The following LRMDA variants were observed in gnomAD, a reference collection of about 807,000 sequenced individuals.
LRMDA encodes the protein leucine rich melanocyte differentiation associated.
In LRMDA, 18 loss-of-function variants were observed where a neutral mutation model predicts 29.8. The ratio of observed to expected loss-of-function variants is 0.60; its 90% CI spans 0.42 to 0.90. LRMDA has a LOEUF of 0.90. Ranked by LOEUF, LRMDA falls within the 40% of genes least tolerant of loss-of-function variation. The probability of loss-of-function intolerance (pLI) is 0.00; values close to 1 mark genes in which losing one functional copy is unlikely to be tolerated. For synonymous variants in LRMDA, 125 were observed against 109.4 expected, an observed-to-expected ratio of 1.14 and a Z score of -0.89; for missense variants, 273 against 273.9, an observed-to-expected ratio of 1.00 and a Z score of 0.02.
At chr10:76,275,552 A>G (rs1840120723) in intron 5 of LRMDA, among the ~76,000 whole-genome samples, 1 of 152,062 alleles carries the variant, frequency 6.6e-6, no homozygotes, top group Non-Finnish European at 1.5e-5. Flanking sequence ...TGATTATGTC[A>G]AACTGTTGCT....
At chr10:76,321,045 TTCTG>T (rs1385913762) in intron 5 of LRMDA, among the ~76,000 whole-genome samples, 4 of 148,274 alleles carry the variant, frequency 2.7e-5, no homozygotes, top group African/African-American at 1.1e-4. Flanking sequence ...CTAAATATTA[TTCTG>T]TCTTACTGAT....
chr10:76,361,086 C>A (rs1263924841), intron 6 of LRMDA, among the ~76,000 whole-genome samples: 2 of 151,826 alleles, frequency 1.3e-5, no homozygotes, highest in Non-Finnish European at 2.9e-5. Flanking sequence ...CAAGGTGAAA[C>A]CCCGTCTCTA....
chr10:75,956,468 A>T (rs1208496567), intron 2 of LRMDA, among the ~76,000 whole-genome samples: 1 of 152,152 alleles, frequency 6.6e-6, no homozygotes, highest in African/African-American at 2.4e-5. Context: ...ACCTGTAGGC[A>T]CCGTTTTTTG....
At chr10:76,146,234 C>T (rs2132157996) in intron 5 of LRMDA, among the ~76,000 whole-genome samples, 1 of 152,082 alleles carries the variant, frequency 6.6e-6, no homozygotes. Context: ...GAGATCAATT[C>T]CTGGGTATCC....
At chr10:76,221,306 C>T (rs1444823019) in intron 5 of LRMDA, among the ~76,000 whole-genome samples, 2 of 152,144 alleles carry the variant, frequency 1.3e-5, no homozygotes, top group Non-Finnish European at 2.9e-5. Flanking sequence ...AAAGGGTATT[C>T]AATTAGGAAA....
At position 75,708,348 on chromosome 10, in the gene LRMDA, G is replaced by A. The variant is rs371108810; in HGVS notation, c.131+269854G>A. Among the ~76,000 whole-genome samples the A allele has an allele frequency of 1.8e-3, 281 of 152,208 alleles. 1 individual carries two copies. The highest frequency in any genetic ancestry group is 6.3e-3 in the African/African-American group (262 of 41,510). ...ATAAACAATCTTTCATTATTTTGAT[G>A]CCTTTTTCATATTTGTTCTTTACAG... is the stretch of plus-strand genomic sequence containing the variant. On this transcript the variant is annotated intron_variant, in intron 2 of 6. Coordinates refer to ENST00000611255, the MANE Select transcript of LRMDA (RefSeq NM_001305581.2).
chr10:76,219,457 G>T lies in LRMDA; in HGVS notation c.517-104944G>T, dbSNP rs550794265. On this transcript the variant is annotated intron_variant, in intron 5 of 6. Coordinates refer to ENST00000611255, the MANE Select transcript of LRMDA (RefSeq NM_001305581.2). ...AATGGAAAACAAAAAAAAGGCAGGG[G>T]TTGCAATCCTAGTCTCTGATAAAAC... Among the ~76,000 whole-genome samples, 64 of 152,222 alleles carry T rather than the reference G, an allele frequency of 4.2e-4. No individual in the cohort carries two copies. The South Asian group carries it at 7.3e-3, about 17-fold the overall frequency.
chr10:76,146,922 T>G (rs1292933072), intron 5 of LRMDA, among the ~76,000 whole-genome samples: 1 of 152,182 alleles, frequency 6.6e-6, no homozygotes, highest in Non-Finnish European at 1.5e-5. Context: ...CTGTAAAGTA[T>G]TTTATTTCTC....
intron 5 of LRMDA, among the ~76,000 whole-genome samples, chr10:76,183,730 T>G (rs11001673): frequency 0.015 from 2,350 of 152,312 alleles, 60 homozygotes; most frequent in African/African-American, 0.051. Context: ...TTATTTCTTA[T>G]TTTTTAGAGA....
In LRMDA at chr10:76,299,156, CGTGTGTGTGTGT is replaced by C. The variant is rs111635114; in HGVS notation, c.517-25223_517-25212del. ...GGAACATCTGCTGTTAGAGAAGAGC[CGTGTGTGTGTGT>C]GTGTGTGTGTGTGTGTGTGTGCATG... On this transcript the variant is annotated intron_variant, in intron 5 of 6. Transcript: ENST00000611255. 8.8e-5 allele frequency among the ~76,000 whole-genome samples: 13 copies of C among 147,318 alleles called. No homozygotes were observed. The East Asian group carries it at 1.8e-3, about 21-fold the overall frequency.
At chr10:76,515,572 C>T (rs1319354717) in intron 6 of LRMDA, among the ~76,000 whole-genome samples, 1 of 152,104 alleles carries the variant, frequency 6.6e-6, no homozygotes, top group Non-Finnish European at 1.5e-5. Context: ...GTGGCATGAT[C>T]TTGGTTTACT....
intron 5 of LRMDA, among the ~76,000 whole-genome samples, chr10:76,233,852 A>G (rs1168212219): frequency 6.6e-6 from 1 of 152,182 alleles, no homozygotes; most frequent in Non-Finnish European, 1.5e-5. Context: ...TGCTATTTCT[A>G]CCACATCTGC....
intron 6 of LRMDA, among the ~76,000 whole-genome samples, chr10:76,394,914 T>G (rs1339745121): frequency 6.6e-6 from 1 of 152,168 alleles, no homozygotes; most frequent in Non-Finnish European, 1.5e-5. Context: ...ATTACTCAAG[T>G]GGCATACAAA....
At chr10:75,584,426 A>G (rs1205444179) in intron 2 of LRMDA, among the ~76,000 whole-genome samples, 1 of 152,182 alleles carries the variant, frequency 6.6e-6, no homozygotes, top group Non-Finnish European at 1.5e-5. Context: ...CCATACAATA[A>G]CATGACCACC....
At chr10:75,496,469 G>A (rs576627843) in intron 2 of LRMDA, among the ~76,000 whole-genome samples, 49 of 152,168 alleles carry the variant, frequency 3.2e-4, no homozygotes, top group South Asian at 1.2e-3. Flanking sequence ...TAAATGTTTC[G>A]TTTGTTTTAT....
intron 6 of LRMDA, among the ~76,000 whole-genome samples, chr10:76,349,314 A>G (rs969463347): frequency 4.6e-5 from 7 of 152,244 alleles, no homozygotes; most frequent in South Asian, 4.1e-4. Context: ...ATGGAAGCCA[A>G]TGGGGTTGGC....
chr10:76,458,991 C>T (rs552424753), intron 6 of LRMDA, among the ~76,000 whole-genome samples: 70 of 152,136 alleles, frequency 4.6e-4, no homozygotes, highest in African/African-American at 1.5e-3. Flanking sequence ...TAAAATGTGA[C>T]GGTTTTTCTC....
At chr10:75,894,365 T>G (rs965397577) in intron 2 of LRMDA, among the ~76,000 whole-genome samples, 5 of 152,252 alleles carry the variant, frequency 3.3e-5, no homozygotes, top group Admixed American at 6.5e-5. Context: ...AATTCCTTCC[T>G]TTTTATGGCT....
intron 5 of LRMDA, among the ~76,000 whole-genome samples, chr10:76,277,415 A>G (rs1840149048): frequency 6.6e-6 from 1 of 152,210 alleles, no homozygotes; most frequent in South Asian, 2.1e-4. Context: ...TTACCCTCTC[A>G]TGCAAGAGGC....
Sources: gnomAD v4.1 joint callset for allele counts (sites outside exome capture counted in the v4.1 genomes callset) on GRCh38, gnomAD v4.1.1 for gene constraint, MANE v1.5 for transcripts, NCBI Gene and HGNC (gene_info 2026-07-23, HGNC 2026-07-21) for gene names.